ASTN2: variants seen among roughly 807,000 people sequenced by gnomAD.
ASTN2 encodes astrotactin 2, also known as astrotactin-2.
In ASTN2, 54 loss-of-function variants were observed where a neutral mutation model predicts 139.8. The observed-to-expected ratio is 0.39, with a 90% CI of 0.31 to 0.48. ASTN2 has a LOEUF of 0.48. Among genes scored for constraint, ASTN2 ranks in the 20% least tolerant of loss-of-function variants. The pLI is 0.95. For synonymous variants in ASTN2, 756 were observed against 719.5 expected (o/e 1.05, Z -0.81); for missense variants, 1,565 against 1,725.1 (o/e 0.91, Z 1.64).
intron 3 of ASTN2, among the ~76,000 whole-genome samples, chr9:117,174,252 C>T (rs1378500255): frequency 6.6e-6 from 1 of 151,808 alleles, no homozygotes; most frequent in Non-Finnish European, 1.5e-5. Context: ...ATACTATCTG[C>T]TAAATATTTA....
At chr9:116,819,285 C>G (rs1831416985) in intron 12 of ASTN2, among the ~76,000 whole-genome samples, 1 of 152,204 alleles carries the variant, frequency 6.6e-6, no homozygotes, top group Non-Finnish European at 1.5e-5. Flanking sequence ...ATGCAGCCTG[C>G]AGATCTAAAG....
At chr9:117,061,336 GATA>G (rs1839284289) in intron 5 of ASTN2, among the ~76,000 whole-genome samples, 1 of 64,910 alleles carries the variant, frequency 1.5e-5, no homozygotes, top group Non-Finnish European at 3.6e-5. Flanking sequence ...TTGACATGGA[GATA>G]ATGTTTACAA....
At chr9:117,131,162 A>C (rs1829818431) in intron 4 of ASTN2, among the ~76,000 whole-genome samples, 1 of 152,220 alleles carries the variant, frequency 6.6e-6, no homozygotes, top group Non-Finnish European at 1.5e-5. Context: ...TAAAACCTTA[A>C]GCCTGCCCAA....
intron 19 of ASTN2, among the ~76,000 whole-genome samples, chr9:116,587,765 C>A (rs1006847460): frequency 1.3e-5 from 2 of 152,112 alleles, no homozygotes; most frequent in Non-Finnish European, 2.9e-5. Flanking sequence ...GGATACACCA[C>A]ATTATAGGAC....
rs926065683 is a variant in ASTN2, at chr9:117,387,357, A to G, written c.442+27140T>C. Among the ~76,000 whole-genome samples the G allele has an allele frequency of 3.9e-5, 6 of 152,232 alleles. No individual in the cohort carries two copies. The East Asian group carries it at 1.2e-3, about 29-fold the overall frequency. On this transcript the variant is annotated intron_variant, in intron 1 of 22. Transcript: ENST00000313400. Reference sequence around the variant, plus strand: ...AAAGACAAACATCAAATAGAAACAAATATATAATTAAAATCTGTGATTAAG... The same window carrying G: ...AAAGACAAACATCAAATAGAAACAAGTATATAATTAAAATCTGTGATTAAG...
At chr9:116,453,047 G>GGGAACATTA (rs1450536823) in intron 20 of ASTN2, among the ~76,000 whole-genome samples, 1 of 152,156 alleles carries the variant, frequency 6.6e-6, no homozygotes, top group African/African-American at 2.4e-5. Context: ...CATTAAGTTA[G>GGGAACATTA]GGAACATTAT....
At chr9:117,201,794 A>G (rs1831730150) in intron 3 of ASTN2, among the ~76,000 whole-genome samples, 1 of 152,092 alleles carries the variant, frequency 6.6e-6, no homozygotes, top group South Asian at 2.1e-4. Context: ...GTCATGTGGC[A>G]CTGAGAAGAA....
At chr9:117,406,878 ACACACACACACACACACACAC>A (rs1304663498) in intron 1 of ASTN2, among the ~76,000 whole-genome samples, 10 of 151,112 alleles carry the variant, frequency 6.6e-5, no homozygotes, top group African/African-American at 2.4e-4. Context: ...ACACACACAC[ACACACACACACACACACACAC>A]AACACAGAGG....
intron 5 of ASTN2, among the ~76,000 whole-genome samples, chr9:117,064,672 A>G (rs543380025): frequency 2.0e-5 from 3 of 152,174 alleles, no homozygotes; most frequent in Non-Finnish European, 4.4e-5. Context: ...GTCGGGGGGA[A>G]GGGATGAGAA....
At chr9:117,318,181 T>G (rs1828207453) in intron 1 of ASTN2, among the ~76,000 whole-genome samples, 1 of 152,180 alleles carries the variant, frequency 6.6e-6, no homozygotes, top group Admixed American at 6.5e-5. Context: ...ATCCCACCTC[T>G]GCTACTCATG....
intron 19 of ASTN2, among the ~76,000 whole-genome samples, chr9:116,512,379 A>T (rs2119193536): frequency 6.6e-6 from 1 of 152,234 alleles, no homozygotes; most frequent in East Asian, 1.9e-4. Context: ...GTTTGTTTTA[A>T]TTTCTGTTCT....
At chr9:117,130,431 C>G (rs1248135593) in intron 4 of ASTN2, among the ~76,000 whole-genome samples, 1 of 152,080 alleles carries the variant, frequency 6.6e-6, no homozygotes, top group Non-Finnish European at 1.5e-5. Flanking sequence ...TTTCCTTGCT[C>G]AGGCTTTCTC....
At chr9:116,502,726 GGAAGGAATGAATGAA>G (rs1849921927) in intron 19 of ASTN2, among the ~76,000 whole-genome samples, 1 of 33,696 alleles carries the variant, frequency 3.0e-5, no homozygotes, top group Non-Finnish European at 7.3e-5. Flanking sequence ...AAGGAAGGAA[GGAAGGAATGAATGAA>G]TGAATGAGGG....
At chr9:117,285,188 C>T (rs562282713) in intron 2 of ASTN2, among the ~76,000 whole-genome samples, 1 of 152,088 alleles carries the variant, frequency 6.6e-6, no homozygotes, top group Non-Finnish European at 1.5e-5. Flanking sequence ...AGAAACCTAG[C>T]CTTTTATTAA....
chr9:116,668,096 T>C (rs548383168), intron 16 of ASTN2, among the ~76,000 whole-genome samples: 5 of 152,184 alleles, frequency 3.3e-5, no homozygotes, highest in Admixed American at 1.3e-4. Context: ...TCCCAACTCC[T>C]GGAAACCTGG....
intron 2 of ASTN2, among the ~76,000 whole-genome samples, chr9:117,219,123 G>A (rs901645166): frequency 3.3e-5 from 5 of 152,188 alleles, no homozygotes; most frequent in African/African-American, 7.2e-5. Context: ...CTGTCATAGT[G>A]AGACATCTCA....
intron 2 of ASTN2, among the ~76,000 whole-genome samples, chr9:117,268,441 G>GT (rs1350252132): frequency 6.6e-6 from 1 of 152,144 alleles, no homozygotes; most frequent in Non-Finnish European, 1.5e-5. Context: ...CTGAACCAAC[G>GT]TTTTCTTCCT....
chr9:117,163,711 T>C (rs1440436049), intron 3 of ASTN2, among the ~76,000 whole-genome samples: 4 of 152,098 alleles, frequency 2.6e-5, no homozygotes, highest in Non-Finnish European at 5.9e-5. Context: ...ATACAATTTA[T>C]GAGTCTAAAT....
At chr9:116,552,703 T>C (rs548302548) in intron 19 of ASTN2, among the ~76,000 whole-genome samples, 1 of 152,248 alleles carries the variant, frequency 6.6e-6, no homozygotes, top group African/African-American at 2.4e-5. Context: ...CTGCTATGTG[T>C]TCTGGGGTAA....
Sources: allele counts gnomAD v4.1 joint callset (sites outside exome capture counted in the v4.1 genomes callset), GRCh38; gene constraint gnomAD v4.1.1; transcripts MANE v1.5; gene names NCBI Gene and HGNC (gene_info 2026-07-23, HGNC 2026-07-21).